L3MBTL4: variants seen among roughly 807,000 people sequenced by gnomAD.
L3MBTL4 encodes lethal(3)malignant brain tumor-like protein 4.
Under a neutral mutation model 84.5 loss-of-function variants are expected in L3MBTL4, and 70 were observed. The ratio of observed to expected loss-of-function variants is 0.83; its 90% CI spans 0.68 to 1.01. L3MBTL4 has a LOEUF of 1.01. Among genes scored for constraint, L3MBTL4 ranks in the 50% least tolerant of loss-of-function variants. L3MBTL4 has a pLI of 0.00. For missense variants in L3MBTL4, 715 were observed against 754.8 expected (o/e 0.95, Z 0.62); for synonymous variants, 274 against 259.8 (o/e 1.05, Z -0.52).
At chr18:6,393,142 A>T (rs2055127827) in intron 1 of L3MBTL4, among the ~76,000 whole-genome samples, 1 of 152,232 alleles carries the variant, frequency 6.6e-6, no homozygotes, top group Non-Finnish European at 1.5e-5. Flanking sequence ...ATCATATTTA[A>T]TTTATGCGAA....
At position 6,124,913 on chromosome 18, in the gene L3MBTL4, G is replaced by C. The variant is rs145045145; in HGVS notation, c.1199+13281C>G. Among the ~76,000 whole-genome samples the C allele has an allele frequency of 1.1e-3, 165 of 152,090 alleles. 1 individual carries two copies. The highest frequency in any genetic ancestry group is 3.8e-3 in the African/African-American group (158 of 41,488). ...AAAAATGGAAGGAAAAAAAGAGTAAGGTATGTATTCTCAAATCTAATTAAC... is the reference window on the plus strand; with the variant it reads ...AAAAATGGAAGGAAAAAAAGAGTAACGTATGTATTCTCAAATCTAATTAAC... On this transcript the variant is annotated intron_variant, in intron 14 of 18. Coordinates refer to ENST00000317931, the MANE Select transcript of L3MBTL4 (RefSeq NM_001330559.2).
At chr18:6,245,050 C>T (rs752028620) in intron 5 of L3MBTL4, among the ~76,000 whole-genome samples, 2 of 152,224 alleles carry the variant, frequency 1.3e-5, no homozygotes, top group Admixed American at 1.3e-4. Context: ...GCTAGGATTA[C>T]ATACTGCGCC....
chr18:6,226,118 A>T (rs2046772205), intron 10 of L3MBTL4, among the ~76,000 whole-genome samples: 1 of 150,994 alleles, frequency 6.6e-6, no homozygotes, highest in Non-Finnish European at 1.5e-5. Context: ...ACTGTAAAAG[A>T]TAATGTCCGC....
At chr18:6,045,220 G>C (rs1313793980) in intron 16 of L3MBTL4, among the ~76,000 whole-genome samples, 1 of 152,168 alleles carries the variant, frequency 6.6e-6, no homozygotes, top group Non-Finnish European at 1.5e-5. Flanking sequence ...AAGGGATTGG[G>C]GGCCTACTTT....
At chr18:6,349,357 T>G (rs940010787) in intron 1 of L3MBTL4, among the ~76,000 whole-genome samples, 1 of 152,064 alleles carries the variant, frequency 6.6e-6, no homozygotes, top group Non-Finnish European at 1.5e-5. Flanking sequence ...ACAGAAAAAA[T>G]TTTTAAACTA....
At chr18:6,209,992 G>A (rs1599159944) in intron 12 of L3MBTL4, among the ~76,000 whole-genome samples, 1 of 152,280 alleles carries the variant, frequency 6.6e-6, no homozygotes, top group East Asian at 1.9e-4. Flanking sequence ...GCTTGGTTGG[G>A]TAGAAGGAGG....
intron 1 of L3MBTL4, among the ~76,000 whole-genome samples, chr18:6,348,242 T>TA (rs1481922345): frequency 6.6e-6 from 1 of 152,084 alleles, no homozygotes; most frequent in Non-Finnish European, 1.5e-5. Flanking sequence ...CTAAAAATCC[T>TA]AATAAGTATA....
chr18:6,247,466 A>ATTTTTTTTTTTTTTT (rs71163266), intron 5 of L3MBTL4, among the ~76,000 whole-genome samples: 1 of 49,638 alleles, frequency 2.0e-5, no homozygotes, highest in African/African-American at 1.0e-4. Context: ...CCCTCCTCTG[A>ATTTTTTTTTTTTTTT]TTTTTTTTTT....
At chr18:6,042,656 C>T (rs1568024182) in intron 16 of L3MBTL4, among the ~76,000 whole-genome samples, 2 of 152,204 alleles carry the variant, frequency 1.3e-5, no homozygotes. Context: ...GAAACAGTGG[C>T]CTTTGCCTCT....
At chr18:6,266,443 T>G (rs1568408148) in intron 4 of L3MBTL4, among the ~76,000 whole-genome samples, 1 of 152,216 alleles carries the variant, frequency 6.6e-6, no homozygotes, top group Non-Finnish European at 1.5e-5. Context: ...ATCTTTGCTG[T>G]GAATGTTCCA....
chr18:6,001,139 G>A (rs2054193701), intron 16 of L3MBTL4, among the ~76,000 whole-genome samples: 1 of 152,212 alleles, frequency 6.6e-6, no homozygotes, highest in South Asian at 2.1e-4. Context: ...TAAGTACCTT[G>A]TCCTCCAAAT....
chr18:6,074,875 C>T (rs1349960275), intron 16 of L3MBTL4, among the ~76,000 whole-genome samples: 1 of 151,842 alleles, frequency 6.6e-6, no homozygotes, highest in African/African-American at 2.4e-5. Context: ...TATAATTCAG[C>T]ACATTAAAAG....
chr18:6,024,337 G>A (rs1332509151), intron 16 of L3MBTL4, among the ~76,000 whole-genome samples: 1 of 152,196 alleles, frequency 6.6e-6, no homozygotes, highest in Non-Finnish European at 1.5e-5. Context: ...GTGGTCTCCT[G>A]GTTTTCCCTG....
chr18:6,310,651 A>G (rs2050784630), intron 3 of L3MBTL4, among the ~76,000 whole-genome samples: 1 of 152,188 alleles, frequency 6.6e-6, no homozygotes, highest in African/African-American at 2.4e-5. Context: ...CTAAGAACCA[A>G]TGAAGGGTCA....
chr18:6,345,124 C>T (rs954888343), intron 1 of L3MBTL4, among the ~76,000 whole-genome samples: 1 of 146,974 alleles, frequency 6.8e-6, no homozygotes, highest in Non-Finnish European at 1.5e-5. Context: ...AATCCTAGCA[C>T]TTTGGGAGGC....
intron 16 of L3MBTL4, among the ~76,000 whole-genome samples, chr18:5,994,970 T>C (rs1276871694): frequency 6.6e-6 from 1 of 152,266 alleles, no homozygotes; most frequent in African/African-American, 2.4e-5. Flanking sequence ...AGCCTCCCTT[T>C]TGTTCATCAT....
chr18:5,959,020 C>A lies in L3MBTL4; in HGVS notation c.1677+1074G>T, dbSNP rs147095386. Among the ~76,000 whole-genome samples, 255 of 152,294 alleles carry A rather than the reference C, an allele frequency of 1.7e-3. 1 individual carries two copies. The highest frequency in any genetic ancestry group is 6.0e-3 in the African/African-American group (249 of 41,580). ...CATGCTGAGCTCAGGCAGAGCCAGGCGAACCCCACAGGTAGCAGCTACCCA... is the reference window on the plus strand; with the variant it reads ...CATGCTGAGCTCAGGCAGAGCCAGGAGAACCCCACAGGTAGCAGCTACCCA... On this transcript the variant is annotated intron_variant, in intron 18 of 18. Transcript: ENST00000317931.
At chr18:6,367,189 C>T (rs186129824) in intron 1 of L3MBTL4, 3 of 152,362 alleles carry the variant, frequency 2.0e-5, no homozygotes, top group South Asian at 2.1e-4. Flanking sequence ...TTATTCCTTA[C>T]ATATGTGCCT....
intron 16 of L3MBTL4, chr18:6,032,371 T>A (rs2055859509): frequency 1.2e-6 from 1 of 863,966 alleles, no homozygotes; most frequent in African/African-American, 1.9e-5. Context: ...AATCTGCGTT[T>A]TCATGAAATA....
Sources: allele counts gnomAD v4.1 joint callset (sites outside exome capture counted in the v4.1 genomes callset), GRCh38; gene constraint gnomAD v4.1.1; transcripts MANE v1.5; gene names NCBI Gene and HGNC (gene_info 2026-07-23, HGNC 2026-07-21).